STAG1: variants seen among roughly 807,000 people sequenced by gnomAD.
STAG1 encodes STAG1 cohesin complex component, also known as cohesin subunit SA-1.
STAG1 carries 26 observed loss-of-function variants against 170.9 expected under a neutral mutation model. The observed-to-expected ratio is 0.15, with a 90% CI of 0.11 to 0.21. The LOEUF is 0.21. STAG1 is among the 10% of genes least tolerant of loss of function. The pLI, the probability that STAG1 is intolerant of heterozygous loss-of-function variation, is 1.00. For synonymous variants in STAG1, 514 were observed against 497.7 expected, an observed-to-expected ratio of 1.03 and a Z score of -0.44; for missense variants, 964 against 1,509.5, an observed-to-expected ratio of 0.64 and a Z score of 5.99.
At chr3:136,465,018 T>TAAAGC in intron 12 of STAG1, 30 bp from the exon 13 acceptor site, 2 of 1,504,542 alleles carry the variant, frequency 1.3e-6, no homozygotes. Flanking sequence ...ACATCTGATC[T>TAAAGC]AAAGCAAATG....
intron 4 of STAG1, among the ~76,000 whole-genome samples, chr3:136,590,888 A>C (rs1181490569): frequency 6.6e-6 from 1 of 152,142 alleles, no homozygotes; most frequent in Non-Finnish European, 1.5e-5. Flanking sequence ...TATTTCATTT[A>C]TCCAATTAGT....
intron 1 of STAG1, among the ~76,000 whole-genome samples, chr3:136,746,387 T>A (rs537605700): frequency 6.6e-6 from 1 of 152,256 alleles, no homozygotes; most frequent in African/African-American, 2.4e-5. Context: ...ACTGGAAGAA[T>A]TCTCTTGGGT....
intron 21 of STAG1, among the ~76,000 whole-genome samples, chr3:136,408,608 G>A (rs942998305): frequency 9.2e-5 from 14 of 152,222 alleles, no homozygotes; most frequent in African/African-American, 3.4e-4. Flanking sequence ...TATTCAGAAG[G>A]TAGAATTTAT....
At chr3:136,609,808 T>A (rs1188638062) in intron 3 of STAG1, among the ~76,000 whole-genome samples, 1 of 152,178 alleles carries the variant, frequency 6.6e-6, no homozygotes, top group Non-Finnish European at 1.5e-5. Context: ...TATCTTTTGG[T>A]ACAACCAGAA....
chr3:136,463,045 T>A (rs896719011), intron 13 of STAG1, among the ~76,000 whole-genome samples: 1 of 152,056 alleles, frequency 6.6e-6, no homozygotes, highest in African/African-American at 2.4e-5. Flanking sequence ...AAAATAATGC[T>A]GAAAAAAGAA....
At chr3:136,432,326 G>A (rs1450424516) in intron 16 of STAG1, among the ~76,000 whole-genome samples, 1 of 151,912 alleles carries the variant, frequency 6.6e-6, no homozygotes, top group Non-Finnish European at 1.5e-5. Context: ...CTTATTAAAA[G>A]GCCTCTGAAG....
intron 1 of STAG1, chr3:136,736,618 C>G: frequency 6.3e-6 from 10 of 1,599,076 alleles, no homozygotes; most frequent in Non-Finnish European, 8.6e-6. Flanking sequence ...CGACTTTCCT[C>G]AAAGTTTTTC....
At chr3:136,571,681 G>A (rs917040541) in intron 4 of STAG1, among the ~76,000 whole-genome samples, 2 of 152,004 alleles carry the variant, frequency 1.3e-5, no homozygotes, top group Non-Finnish European at 2.9e-5. Context: ...AGACCAGCCT[G>A]GGCAACATAC....
At chr3:136,339,513 C>T (rs184731766) in intron 32 of STAG1, among the ~76,000 whole-genome samples, 96 of 152,246 alleles carry the variant, frequency 6.3e-4, no homozygotes, top group African/African-American at 2.3e-3. Flanking sequence ...CAGAGCGAGA[C>T]TCCATCTCTA....
chr3:136,499,797 G>A (rs1933368271), intron 9 of STAG1: 1 of 150,534 alleles, frequency 6.6e-6, no homozygotes, highest in Non-Finnish European at 1.5e-5. Context: ...GCCCTTCTCT[G>A]TCCTCTTTTC....
At chr3:136,678,927 T>A (rs1363337118) in intron 1 of STAG1, among the ~76,000 whole-genome samples, 1 of 140,396 alleles carries the variant, frequency 7.1e-6, no homozygotes, top group Non-Finnish European at 1.5e-5. Flanking sequence ...CCTGCTGTAG[T>A]ACTAGCTACC....
chr3:136,370,202 G>A (rs1320765824), intron 23 of STAG1, among the ~76,000 whole-genome samples: 1 of 152,064 alleles, frequency 6.6e-6, no homozygotes, highest in Admixed American at 6.6e-5. Context: ...AGGTACTCCA[G>A]AAGAATGCAT....
In STAG1 at chr3:136,447,469, A is replaced by C. The variant is rs529382021; in HGVS notation, c.1429-4065T>G. Reference sequence around the variant, plus strand: ...GGCAACAGACCGAGATTTGGTCTCCAAAAAATAAAACAATAAAAAAAGAAG... The same window carrying C: ...GGCAACAGACCGAGATTTGGTCTCCCAAAAATAAAACAATAAAAAAAGAAG... On this transcript the variant is annotated intron_variant, in intron 14 of 33. Transcript: ENST00000383202. 2.0e-5 allele frequency among the ~76,000 whole-genome samples: 3 copies of C among 152,174 alleles called. No individual in the cohort carries two copies. In the South Asian group the frequency reaches 6.2e-4, roughly 32 times the overall value.
At chr3:136,432,153 T>G (rs9869720) in intron 16 of STAG1, among the ~76,000 whole-genome samples, 6,760 of 152,282 alleles carry the variant, frequency 0.044, 174 homozygotes, top group East Asian at 0.13. Flanking sequence ...TTAATCTTCA[T>G]GTTTTTCTAT....
chr3:136,540,323 CA>C (rs34451527), intron 6 of STAG1, among the ~76,000 whole-genome samples: 3,889 of 123,432 alleles, frequency 0.032, 139 homozygotes, highest in Admixed American at 0.086. Flanking sequence ...TACTATCAAA[CA>C]AAAAAAAAAA....
chr3:136,386,616 G>A (rs372255467), intron 22 of STAG1, among the ~76,000 whole-genome samples: 2 of 152,054 alleles, frequency 1.3e-5, no homozygotes, highest in Non-Finnish European at 2.9e-5. Context: ...GAAGTATATA[G>A]ATTTTAAATG....
At chr3:136,564,166 A>G (rs1027223685) in intron 5 of STAG1, among the ~76,000 whole-genome samples, 9 of 152,170 alleles carry the variant, frequency 5.9e-5, no homozygotes, top group Non-Finnish European at 1.3e-4. Flanking sequence ...ATTGTTTCCA[A>G]TATTTTCCAG....
chr3:136,541,811 A>C (rs1935918036), intron 6 of STAG1, among the ~76,000 whole-genome samples: 1 of 152,124 alleles, frequency 6.6e-6, no homozygotes, highest in Non-Finnish European at 1.5e-5. Flanking sequence ...ACAAACAGAA[A>C]ACTGTTGGAG....
intron 26 of STAG1, among the ~76,000 whole-genome samples, chr3:136,360,606 GC>G (rs1560057383): frequency 6.6e-6 from 1 of 152,162 alleles, no homozygotes; most frequent in Non-Finnish European, 1.5e-5. Context: ...TGAACTACTT[GC>G]TATGTCATTA....
Sources: allele counts gnomAD v4.1 joint callset (sites outside exome capture counted in the v4.1 genomes callset), GRCh38; gene constraint gnomAD v4.1.1; transcripts MANE v1.5; gene names NCBI Gene and HGNC (gene_info 2026-07-23, HGNC 2026-07-21).